The following WWOX variants were observed in gnomAD, a reference collection of about 807,000 sequenced individuals.
The protein encoded by WWOX is WW domain-containing oxidoreductase.
A neutral mutation model predicts 46.2 loss-of-function variants in WWOX; 69 were observed. The observed-to-expected ratio is 1.49, with a 90% CI of 1.23 to 1.82. The LOEUF (loss-of-function observed/expected upper bound fraction) is 1.82, where lower values mean the gene tolerates loss of function less well. Among genes scored for constraint, WWOX ranks in the 40% most tolerant of loss-of-function variants. The probability of loss-of-function intolerance (pLI) is 0.00; values close to 1 mark genes in which losing one functional copy is unlikely to be tolerated. For missense variants in WWOX, 919 were observed against 542.6 expected, an observed-to-expected ratio of 1.69 and a Z score of -6.89; for synonymous variants, 359 against 202.6, an observed-to-expected ratio of 1.77 and a Z score of -6.56.
At chr16:78,788,105 C>G (rs2050500649) in intron 8 of WWOX, among the ~76,000 whole-genome samples, 2 of 152,066 alleles carry the variant, frequency 1.3e-5, no homozygotes, top group African/African-American at 4.8e-5. Flanking sequence ...GGCTTTTTTA[C>G]TCTTTTTATA....
chr16:78,808,044 C>G (rs1455585223), intron 8 of WWOX, among the ~76,000 whole-genome samples: 1 of 152,188 alleles, frequency 6.6e-6, no homozygotes, highest in African/African-American at 2.4e-5. Flanking sequence ...CATCTTTCCC[C>G]ACAGACATTT....
At chr16:78,966,697 A>G (rs1439078395) in intron 8 of WWOX, among the ~76,000 whole-genome samples, 2 of 152,202 alleles carry the variant, frequency 1.3e-5, no homozygotes, top group Non-Finnish European at 2.9e-5. Context: ...CAAAGGGTGC[A>G]CACTGTTTAA....
chr16:79,027,783 G>A (rs1462653390), intron 8 of WWOX, among the ~76,000 whole-genome samples: 1 of 151,610 alleles, frequency 6.6e-6, no homozygotes, highest in African/African-American at 2.4e-5. Flanking sequence ...GATGTCTCTT[G>A]ATATAGAAGC....
Position 78,421,459 on chromosome 16 carries a change from A to C in WWOX, c.606-3411A>C, listed in dbSNP as rs978884509. Among the ~76,000 whole-genome samples, 5 of 152,100 alleles carry C rather than the reference A, an allele frequency of 3.3e-5. No homozygotes were observed. The East Asian group carries it at 9.6e-4, about 29-fold the overall frequency. On this transcript the variant is annotated intron_variant, in intron 6 of 8. Coordinates refer to ENST00000566780, the MANE Select transcript of WWOX (RefSeq NM_016373.4). Reference sequence around the variant, plus strand: ...AGGCCTGTCATTGGATTTAAGGCCCACCTTAATCCAAGATGATCTCATTTT... The same window carrying C: ...AGGCCTGTCATTGGATTTAAGGCCCCCCTTAATCCAAGATGATCTCATTTT...
At chr16:78,822,808 A>G (rs1472262509) in intron 8 of WWOX, among the ~76,000 whole-genome samples, 1 of 152,172 alleles carries the variant, frequency 6.6e-6, no homozygotes, top group Non-Finnish European at 1.5e-5. Flanking sequence ...TCTCTTCAAG[A>G]ATGCTATCAA....
intron 8 of WWOX, among the ~76,000 whole-genome samples, chr16:78,502,923 C>T (rs1567609917): frequency 1.3e-5 from 2 of 152,092 alleles, no homozygotes; most frequent in Admixed American, 6.5e-5. Flanking sequence ...CTGCTTCCAG[C>T]GATAGCAAGG....
chr16:78,512,397 A>G (rs1346358317), intron 8 of WWOX, among the ~76,000 whole-genome samples: 4 of 152,206 alleles, frequency 2.6e-5, no homozygotes, highest in Non-Finnish European at 5.9e-5. Context: ...TTTGAGGGAA[A>G]AATAATACTG....
At chr16:78,213,807 G>A (rs1216497067) in intron 5 of WWOX, among the ~76,000 whole-genome samples, 1 of 152,136 alleles carries the variant, frequency 6.6e-6, no homozygotes, top group Non-Finnish European at 1.5e-5. Flanking sequence ...TCATGAAGAA[G>A]GAATAATATC....
At position 78,863,876 on chromosome 16, in the gene WWOX, C is replaced by T. The variant is rs1409957392; in HGVS notation, c.1057-347732C>T. ...CAATATATGGTCTTTTGTGATTGGC[C>T]TCCTCCACTTAGCATCGTGTTTTTG... is the stretch of plus-strand genomic sequence containing the variant. On this transcript the variant is annotated intron_variant, in intron 8 of 8. Coordinates refer to ENST00000566780, the MANE Select transcript of WWOX (RefSeq NM_016373.4). Among the ~76,000 whole-genome samples, 3 of 152,172 alleles carry T rather than the reference C, an allele frequency of 2.0e-5. No individual in the cohort carries two copies. The East Asian group carries it at 5.8e-4, about 29-fold the overall frequency.
chr16:78,386,991 A>C, intron 6 of WWOX, 43 bp downstream of exon 6: 1 of 1,571,976 alleles, frequency 6.4e-7, no homozygotes, highest in Non-Finnish European at 8.8e-7. Flanking sequence ...ATTTCTTGCT[A>C]TTGTAATATC....
intron 8 of WWOX, among the ~76,000 whole-genome samples, chr16:78,876,725 A>G (rs1342359955): frequency 2.0e-5 from 3 of 152,138 alleles, no homozygotes; most frequent in African/African-American, 7.2e-5. Context: ...TTATAACTGG[A>G]TTTTATCTCA....
At chr16:79,188,354 A>C (rs551653790) in intron 8 of WWOX, among the ~76,000 whole-genome samples, 1 of 151,386 alleles carries the variant, frequency 6.6e-6, no homozygotes, top group East Asian at 2.0e-4. Context: ...TGTGGCCAAG[A>C]CCTATTTCCC....
chr16:78,523,003 C>T (rs374095924), intron 8 of WWOX, among the ~76,000 whole-genome samples: 9 of 152,226 alleles, frequency 5.9e-5, no homozygotes, highest in African/African-American at 1.2e-4. Context: ...AGCTGGGAGG[C>T]GGAGGTTGCA....
chr16:78,594,860 C>G (rs552878638), intron 8 of WWOX, among the ~76,000 whole-genome samples: 2 of 152,248 alleles, frequency 1.3e-5, no homozygotes, highest in South Asian at 4.2e-4. Flanking sequence ...TTTCAAATCC[C>G]TCATTGTTTA....
intron 8 of WWOX, among the ~76,000 whole-genome samples, chr16:78,587,349 C>T (rs999414748): frequency 1.3e-5 from 2 of 151,882 alleles, no homozygotes; most frequent in African/African-American, 2.4e-5. Flanking sequence ...GTATTCTTTA[C>T]ATTTTTAAAA....
At chr16:79,074,510 C>G (rs553177008) in intron 8 of WWOX, among the ~76,000 whole-genome samples, 25 of 137,538 alleles carry the variant, frequency 1.8e-4, no homozygotes, top group Middle Eastern at 4.6e-3. Flanking sequence ...AATGGAGAGA[C>G]CTGGGATTTT....
At chr16:78,471,966 T>C (rs1404148657) in intron 8 of WWOX, among the ~76,000 whole-genome samples, 1 of 152,230 alleles carries the variant, frequency 6.6e-6, no homozygotes, top group East Asian at 1.9e-4. Context: ...GCAAAATCCT[T>C]CTTTAGAAAT....
intron 5 of WWOX, among the ~76,000 whole-genome samples, chr16:78,361,838 C>T (rs1487145223): frequency 6.6e-6 from 1 of 152,076 alleles, no homozygotes; most frequent in Non-Finnish European, 1.5e-5. Flanking sequence ...TCTCAAACTC[C>T]TCTTCTCTGG....
At chr16:78,249,449 G>A (rs886396261) in intron 5 of WWOX, among the ~76,000 whole-genome samples, 1 of 152,206 alleles carries the variant, frequency 6.6e-6, no homozygotes, top group African/African-American at 2.4e-5. Context: ...TCTCCAATGA[G>A]TTTCTCCTTT....
Sources: gnomAD v4.1 joint callset for allele counts (sites outside exome capture counted in the v4.1 genomes callset) on GRCh38, gnomAD v4.1.1 for gene constraint, MANE v1.5 for transcripts, NCBI Gene and HGNC (gene_info 2026-07-23, HGNC 2026-07-21) for gene names.